SEC23IP: variants seen among roughly 807,000 people sequenced by gnomAD.
SEC23IP encodes the protein SEC23-interacting protein.
SEC23IP carries 70 observed loss-of-function variants against 113.4 expected under a neutral mutation model. The observed-to-expected ratio is 0.62, with a 90% CI of 0.51 to 0.75. SEC23IP has a LOEUF of 0.75. Among genes scored for constraint, SEC23IP ranks in the 30% least tolerant of loss-of-function variants. The pLI, the probability that SEC23IP is intolerant of heterozygous loss-of-function variation, is 0.00. For missense variants in SEC23IP, 1,160 were observed against 1,204.9 expected (o/e 0.96, Z 0.55); for synonymous variants, 398 against 421.0 (o/e 0.95, Z 0.67).
intron 8 of SEC23IP, among the ~76,000 whole-genome samples, chr10:119,917,307 C>T (rs1855085151): frequency 6.6e-6 from 1 of 151,930 alleles, no homozygotes; most frequent in Non-Finnish European, 1.5e-5. Flanking sequence ...TCAAGCGATT[C>T]TCATGCCTCA....
chr10:119,898,800 A>G lies in SEC23IP; in HGVS notation c.537A>G (p.Gly179=), dbSNP rs1303712430. The change falls in exon 2 of 19, where the codon GGA becomes GGG. Residue 179 remains glycine, a synonymous_variant. Coordinates refer to ENST00000369075, the MANE Select transcript of SEC23IP (RefSeq NM_007190.4). ...AACCCCAAGGAATTCCCCAACCAGGATACAATCCATATCGCCATACCCCTG... is the reference window on the plus strand; with the variant it reads ...AACCCCAAGGAATTCCCCAACCAGGGTACAATCCATATCGCCATACCCCTG... ...GNQPQGIPQP[G]YNPYRHTPGS... is the part of the protein sequence containing the mutation. 1 of 1,614,048 alleles carries G rather than the reference A, an allele frequency of 6.2e-7. No homozygotes were observed. The highest frequency in any genetic ancestry group is 8.5e-7 in the Non-Finnish European group (1 of 1,180,036).
intron 5 of SEC23IP, among the ~76,000 whole-genome samples, chr10:119,910,858 T>C (rs1854833827): frequency 7.4e-6 from 1 of 135,858 alleles, no homozygotes; most frequent in Non-Finnish European, 1.7e-5. Context: ...GTTTTAAGAC[T>C]TTTTTTTGCA....
chr10:119,929,313 A>G (rs1855515334), intron 13 of SEC23IP, among the ~76,000 whole-genome samples: 1 of 152,082 alleles, frequency 6.6e-6, no homozygotes, highest in South Asian at 2.1e-4. Context: ...GGCTCACTGC[A>G]ACCTCCACCT....
Position 119,940,354 on chromosome 10 carries a change from A to AT in SEC23IP, c.*21-226dup, listed in dbSNP as rs551301155. On this transcript the variant is annotated intron_variant, in intron 18 of 18. Coordinates refer to ENST00000369075, the MANE Select transcript of SEC23IP (RefSeq NM_007190.4). ...AGGCACCCGCCACCATGCCCAGCTAATTTTTTGTATTTTCAGTAGAGATGG... is the reference window on the plus strand; with the variant it reads ...AGGCACCCGCCACCATGCCCAGCTAATTTTTTTGTATTTTCAGTAGAGATGG... 2.8e-3 allele frequency among the ~76,000 whole-genome samples: 418 copies of AT among 151,782 alleles called. 3 individuals carry two copies. Among genetic ancestry groups the AT allele is most frequent in the African/African-American group, 9.6e-3 (396 of 41,390 alleles).
Position 119,920,894 on chromosome 10 carries a change from GT to G in SEC23IP, c.2032del (p.Cys678ValfsTer6). 3 of 1,604,298 alleles carry G rather than the reference GT, an allele frequency of 1.9e-6. No homozygotes were observed. Among genetic ancestry groups the G allele is most frequent in the Non-Finnish European group, 1.7e-6 (2 of 1,171,532 alleles). ...TTGTCTGTTTCCTTTTAAAGCTTATGTGTACAGTTGATGACCTGAAGGAAAT... is the reference window on the plus strand; with the variant it reads ...TTGTCTGTTTCCTTTTAAAGCTTATGGTACAGTTGATGACCTGAAGGAAAT... ...EKIDMESLLM[C>X]TVDDLKEMGI... is the part of the protein sequence containing the mutation. On this transcript the variant is annotated frameshift_variant, in exon 12 of 19. Transcript: ENST00000369075. LOFTEE classifies it high-confidence loss of function.
intron 1 of SEC23IP, chr10:119,898,209 G>C: frequency 1.2e-6 from 1 of 824,512 alleles, no homozygotes; most frequent in Non-Finnish European, 1.7e-6. Flanking sequence ...AATTATAATT[G>C]TTTCCTCTTA....
Position 119,933,711 on chromosome 10 carries a change from CTACT to C in SEC23IP, c.2950_2953del (p.Leu984LysfsTer7), listed in dbSNP as rs778270537. 8 of 1,587,612 alleles carry C rather than the reference CTACT, an allele frequency of 5.0e-6. No homozygotes were observed. The highest frequency in any genetic ancestry group is 4.3e-6 in the Non-Finnish European group (5 of 1,156,348). ...GGAATCTGAAGATACTGCTCTGTTA[CTACT>C]TAAAGAAATTTATCGAACAATGAAC... On this transcript the variant is annotated frameshift_variant, in exon 18 of 19. Coordinates refer to ENST00000369075, the MANE Select transcript of SEC23IP (RefSeq NM_007190.4). LOFTEE classifies it high-confidence loss of function.
chr10:119,918,835 A>G lies in SEC23IP; in HGVS notation c.1872+324A>G, dbSNP rs567017991. Among the ~76,000 whole-genome samples, 8 of 152,298 alleles carry G rather than the reference A, an allele frequency of 5.3e-5. No individual in the cohort carries two copies. The East Asian group carries it at 1.5e-3, about 29-fold the overall frequency. ...CATATTAAAGTACACCGAGGTTTAG[A>G]AATGGAATGGAATCATATAGCTCAT... On this transcript the variant is annotated intron_variant, in intron 10 of 18. Coordinates refer to ENST00000369075, the MANE Select transcript of SEC23IP (RefSeq NM_007190.4).
chr10:119,940,298 C>T (rs1236247036), intron 18 of SEC23IP, among the ~76,000 whole-genome samples: 1 of 151,658 alleles, frequency 6.6e-6, no homozygotes, highest in Non-Finnish European at 1.5e-5. Flanking sequence ...CACCATTCTC[C>T]TGCCTCAGCC....
At position 119,929,670 on chromosome 10, in the gene SEC23IP, A is replaced by C. The variant is rs145338788; in HGVS notation, c.2377A>C (p.Ile793Leu). The change falls in exon 14 of 19, where the codon ATT becomes CTT. Residue 793 changes from isoleucine (I) to leucine (L), a missense_variant. Ile to Leu is a conservative substitution (Grantham distance 5). Coordinates refer to ENST00000369075, the MANE Select transcript of SEC23IP (RefSeq NM_007190.4). ...GATATTCTTTGCCTTGGGGTCTCCAATTGCTATGTTTCTCACTATTCGAGG... is the reference window on the plus strand; with the variant it reads ...GATATTCTTTGCCTTGGGGTCTCCACTTGCTATGTTTCTCACTATTCGAGG... Reference protein sequence around the residue: ...PEIFFALGSPIAMFLTIRGVD... With the variant: ...PEIFFALGSPLAMFLTIRGVD... 1.9e-6 allele frequency: 3 copies of C among 1,607,244 alleles called. No individual in the cohort carries two copies. The highest frequency in any genetic ancestry group is 1.7e-4 in the Middle Eastern group (1 of 6,054).
chr10:119,914,381 G>A (rs1854973880), intron 6 of SEC23IP: 1 of 235,976 alleles, frequency 4.2e-6, no homozygotes, highest in East Asian at 9.6e-5. Context: ...ATACTCACAC[G>A]ATGAAATCTG....
At chr10:119,899,048 A>G (rs2134452899) in intron 2 of SEC23IP, 89 bp downstream of exon 2, 1 of 1,117,526 alleles carries the variant, frequency 8.9e-7, no homozygotes. Context: ...TTCACATCTT[A>G]TAATCAATAT....
At chr10:119,937,266 G>A (rs1361513275) in intron 18 of SEC23IP, among the ~76,000 whole-genome samples, 1 of 152,158 alleles carries the variant, frequency 6.6e-6, no homozygotes, top group East Asian at 1.9e-4. Flanking sequence ...TTTGAAATTA[G>A]CCTTTTATTT....
At chr10:119,932,343 T>G (rs763490277) in intron 16 of SEC23IP, 25 bp downstream of exon 16, 74 of 1,552,744 alleles carry the variant, frequency 4.8e-5, no homozygotes, top group Non-Finnish European at 5.9e-5. Flanking sequence ...TGAGGCATTT[T>G]CTAATACAAA....
intron 4 of SEC23IP, among the ~76,000 whole-genome samples, chr10:119,907,171 C>T (rs191766393): frequency 6.6e-6 from 1 of 151,994 alleles, no homozygotes; most frequent in African/African-American, 2.4e-5. Flanking sequence ...TTATGCACGC[C>T]TGTAATCCCA....
chr10:119,895,382 A>T (rs1244591646), intron 1 of SEC23IP, among the ~76,000 whole-genome samples: 1 of 152,192 alleles, frequency 6.6e-6, no homozygotes, highest in African/African-American at 2.4e-5. Context: ...CATCTCAAAA[A>T]CAAAAACCAG....
chr10:119,921,113 G>T, intron 12 of SEC23IP, 129 bp downstream of exon 12: 4 of 572,030 alleles, frequency 7.0e-6, no homozygotes, highest in Non-Finnish European at 1.2e-5. Context: ...CACAGTAATG[G>T]AGCTGATGGA....
chr10:119,895,843 A>G (rs1854266259), intron 1 of SEC23IP, among the ~76,000 whole-genome samples: 1 of 152,086 alleles, frequency 6.6e-6, no homozygotes, highest in Non-Finnish European at 1.5e-5. Context: ...CTCTGCCCCC[A>G]GTAGATCACT....
At chr10:119,912,876 A>G (rs184103507) in intron 6 of SEC23IP, among the ~76,000 whole-genome samples, 1 of 152,110 alleles carries the variant, frequency 6.6e-6, no homozygotes, top group Admixed American at 6.5e-5. Context: ...CCTGGCCTCA[A>G]GTCATCCACC....
Sources: gnomAD v4.1 joint callset for allele counts (sites outside exome capture counted in the v4.1 genomes callset) on GRCh38, gnomAD v4.1.1 for gene constraint, MANE v1.5 for transcripts, NCBI Gene and HGNC (gene_info 2026-07-23, HGNC 2026-07-21) for gene names.